CACNA1C: variants seen among roughly 807,000 people sequenced by gnomAD.
CACNA1C encodes voltage-dependent L-type calcium channel subunit alpha-1C.
A neutral mutation model predicts 229.0 loss-of-function variants in CACNA1C; 30 were observed. The observed-to-expected ratio is 0.13, with a 90% CI of 0.10 to 0.18. CACNA1C has a LOEUF of 0.18. CACNA1C is among the 10% of genes least tolerant of loss of function. The pLI, the probability that CACNA1C is intolerant of heterozygous loss-of-function variation, is 1.00. For synonymous variants in CACNA1C, 1,114 were observed against 1,132.5 expected (o/e 0.98, Z 0.33); for missense variants, 1,658 against 2,845.0 (o/e 0.58, Z 9.49).
Position 2,054,546 on chromosome 12 carries a change from A to G in CACNA1C, c.49+935A>G, listed in dbSNP as rs892999540. ...GTGAAAGGCAGTCAGGTAACTCCCTACTTCCTGGAAACTTTCTCCCTCACC... is the reference window on the plus strand; with the variant it reads ...GTGAAAGGCAGTCAGGTAACTCCCTGCTTCCTGGAAACTTTCTCCCTCACC... On this transcript the variant is annotated intron_variant, in intron 1 of 46. Coordinates refer to ENST00000399655, the MANE Select transcript of CACNA1C (RefSeq NM_000719.7). This position sits in a 1 kb window ranked among gnomAD's most constrained non-coding sequence, Gnocchi z 5.5. 3.3e-5 allele frequency among the ~76,000 whole-genome samples: 5 copies of G among 152,012 alleles called. No individual in the cohort carries two copies. The highest frequency in any genetic ancestry group is 1.2e-4 in the African/African-American group (5 of 41,406).
At chr12:2,428,918 A>G (rs911964327) in intron 3 of CACNA1C, among the ~76,000 whole-genome samples, 1 of 152,178 alleles carries the variant, frequency 6.6e-6, no homozygotes, top group African/African-American at 2.4e-5. Flanking sequence ...TAGTTACTTA[A>G]GGTTGCTGTC....
intron 3 of CACNA1C, among the ~76,000 whole-genome samples, chr12:2,149,524 G>T (rs1307873770): frequency 1.3e-5 from 2 of 152,298 alleles, no homozygotes; most frequent in African/African-American, 4.8e-5. Context: ...CCCGCTTTAG[G>T]AATGCTCATA....
intron 9 of CACNA1C, among the ~76,000 whole-genome samples, chr12:2,547,910 G>T (rs2099884731): frequency 6.6e-6 from 1 of 152,066 alleles, no homozygotes; most frequent in Admixed American, 6.5e-5. Flanking sequence ...CTCCGATTTT[G>T]TCTGTCTTTC....
chr12:2,140,971 C>G (rs2094118805), intron 3 of CACNA1C, among the ~76,000 whole-genome samples: 2 of 151,308 alleles, frequency 1.3e-5, no homozygotes, highest in South Asian at 2.1e-4. Context: ...TAAGGGCCCA[C>G]CTGGAGCGGG....
At chr12:2,204,258 A>G (rs1028483494) in intron 3 of CACNA1C, among the ~76,000 whole-genome samples, 2 of 151,802 alleles carry the variant, frequency 1.3e-5, no homozygotes, top group African/African-American at 4.8e-5. Flanking sequence ...TTCTTTTGAG[A>G]AGTGTCTGTT....
At chr12:2,621,639 G>A (rs2083292408) in intron 29 of CACNA1C, among the ~76,000 whole-genome samples, 1 of 152,200 alleles carries the variant, frequency 6.6e-6, no homozygotes, top group East Asian at 1.9e-4. Flanking sequence ...GCCTGATGCT[G>A]GGAAGGCAGG....
chr12:2,069,877 A>G (rs754935609), intron 1 of CACNA1C, among the ~76,000 whole-genome samples: 3 of 152,146 alleles, frequency 2.0e-5, no homozygotes, highest in Non-Finnish European at 4.4e-5. Flanking sequence ...GAGTGCAGTC[A>G]TGTGATAATG....
In CACNA1C at chr12:2,139,224, G is replaced by C. The variant is rs2093882268; in HGVS notation, c.477+18794G>C. Among the ~76,000 whole-genome samples the C allele has an allele frequency of 1.3e-5, 2 of 150,740 alleles. 1 individual carries two copies. Among genetic ancestry groups the C allele is most frequent in the Non-Finnish European group, 3.0e-5 (2 of 67,460 alleles). On this transcript the variant is annotated intron_variant, in intron 3 of 46. Transcript: ENST00000399655. ...AGCGCCTGGCATCCCTTGGCTTCTA[G>C]GTGCCTCACTCCAGATCTCTGCCTC...
At position 2,053,082 on chromosome 12, in the gene CACNA1C, C is replaced by T; in HGVS notation, c.-481C>T. ...GAGCGGCGGCGGCGGCTCTTCCTGC[C>T]TCCGCGCCCAGGAGTTGCCGGCTCC... On this transcript the variant is annotated 5_prime_UTR_variant, in exon 1 of 47. Coordinates refer to ENST00000399655, the MANE Select transcript of CACNA1C (RefSeq NM_000719.7). This position sits in a 1 kb window ranked among gnomAD's most constrained non-coding sequence, Gnocchi z 5.8. 6.1e-6 allele frequency: 6 copies of T among 984,520 alleles called. No homozygotes were observed. The highest frequency in any genetic ancestry group is 6.0e-6 in the Non-Finnish European group (5 of 829,402). 61.0% of individuals were successfully genotyped at this position (984,520 alleles called of 1,614,324 possible). A position where few individuals can be genotyped will look rare whatever the true frequency, so the allele number is the denominator to read the frequency against.
chr12:2,098,237 A>G (rs955993590), intron 1 of CACNA1C, among the ~76,000 whole-genome samples: 1 of 152,138 alleles, frequency 6.6e-6, no homozygotes, highest in African/African-American at 2.4e-5. Flanking sequence ...GTTGCCTTCT[A>G]CCTTCTTGTC....
chr12:2,572,738 G>C (rs1385433642), intron 13 of CACNA1C, among the ~76,000 whole-genome samples: 32 of 62,882 alleles, frequency 5.1e-4, no homozygotes, highest in East Asian at 1.2e-3. Flanking sequence ...TCCTCTTCCT[G>C]CTCCTTCTCC....
At chr12:2,606,552 C>A in intron 24 of CACNA1C, 59 bp from the exon 25 acceptor site, 1 of 1,408,520 alleles carries the variant, frequency 7.1e-7, no homozygotes, top group Non-Finnish European at 9.9e-7. Flanking sequence ...TCACTAATTG[C>A]TTTTGGATTG....
chr12:2,324,316 G>A (rs1396171554), intron 3 of CACNA1C, among the ~76,000 whole-genome samples: 3 of 152,306 alleles, frequency 2.0e-5, no homozygotes, highest in South Asian at 4.1e-4. Context: ...TTCATTTCTC[G>A]ATTCATTTTG....
chr12:2,367,566 G>GT (rs1205594696), intron 3 of CACNA1C, among the ~76,000 whole-genome samples: 1 of 152,146 alleles, frequency 6.6e-6, no homozygotes, highest in Non-Finnish European at 1.5e-5. Flanking sequence ...TCCATATTCT[G>GT]TACAGGAGAC....
At chr12:2,288,823 A>G (rs1328550900) in intron 3 of CACNA1C, 1 of 152,264 alleles carries the variant, frequency 6.6e-6, no homozygotes, top group African/African-American at 2.4e-5. Context: ...TGCCACTGCC[A>G]GCACCCAAAA....
Position 2,053,500 on chromosome 12 carries a change from G to T in CACNA1C, c.-63G>T. On this transcript the variant is annotated 5_prime_UTR_variant, in exon 1 of 47. Transcript: ENST00000399655. This position sits in a 1 kb window ranked among gnomAD's most constrained non-coding sequence, Gnocchi z 5.8. ...AGGAGGGATTAATCCAGACCCGCCG[G>T]GGGGTGTTTTCACATTTCTTCCTCT... is the stretch of plus-strand genomic sequence containing the variant. 6.5e-7 allele frequency: 1 copy of T among 1,542,000 alleles called. No homozygotes were observed. Among genetic ancestry groups the T allele is most frequent in the East Asian group, 2.5e-5 (1 of 40,154 alleles).
chr12:2,348,361 G>A lies in CACNA1C; in HGVS notation c.478-100615G>A, dbSNP rs1364893517. Among the ~76,000 whole-genome samples the A allele has an allele frequency of 6.6e-6, 1 of 152,234 alleles. No homozygotes were observed. The highest frequency in any genetic ancestry group is 1.5e-5 in the Non-Finnish European group (1 of 68,044). On this transcript the variant is annotated intron_variant, in intron 3 of 46. Transcript: ENST00000399655. The surrounding 1 kb of genome is among the most constrained non-coding windows in gnomAD (Gnocchi z 4.7). ...CCTATGTGCGGGGGACTTCCCAAGA[G>A]CTCCCGGCCCACGACTGAGTCACGC... is the stretch of plus-strand genomic sequence containing the variant.
chr12:2,078,212 G>A (rs1400150803), intron 1 of CACNA1C, among the ~76,000 whole-genome samples: 1 of 152,166 alleles, frequency 6.6e-6, no homozygotes, highest in Non-Finnish European at 1.5e-5. Context: ...ACAGAGAGAA[G>A]GTGGCCATCT....
At chr12:2,122,636 T>C (rs1046297322) in intron 3 of CACNA1C, among the ~76,000 whole-genome samples, 1 of 152,170 alleles carries the variant, frequency 6.6e-6, no homozygotes, top group Non-Finnish European at 1.5e-5. Context: ...CCTCTCCTCC[T>C]GTGTCTACAC....
Sources: allele counts gnomAD v4.1 joint callset (sites outside exome capture counted in the v4.1 genomes callset), GRCh38; gene constraint gnomAD v4.1.1; non-coding constraint Gnocchi (gnomAD v3.1); transcripts MANE v1.5; gene names NCBI Gene and HGNC (gene_info 2026-07-23, HGNC 2026-07-21).